The following MGAT4C variants were observed in gnomAD, a reference collection of about 807,000 sequenced individuals.
MGAT4C encodes the protein alpha-1,3-mannosyl-glycoprotein 4-beta-N-acetylglucosaminyltransferase C.
Under a neutral mutation model 40.1 loss-of-function variants are expected in MGAT4C, and 19 were observed. That is an observed-to-expected ratio of 0.47 (90% confidence interval 0.33 to 0.70). The LOEUF is 0.70. Among genes scored for constraint, MGAT4C ranks in the 30% least tolerant of loss-of-function variants. The pLI, the probability that MGAT4C is intolerant of heterozygous loss-of-function variation, is 0.02. For synonymous variants in MGAT4C, 181 were observed against 187.1 expected, an observed-to-expected ratio of 0.97 and a Z score of 0.27; for missense variants, 491 against 563.2, an observed-to-expected ratio of 0.87 and a Z score of 1.30.
At chr12:86,744,540 A>T (rs761882129) in intron 1 of MGAT4C, among the ~76,000 whole-genome samples, 1 of 151,428 alleles carries the variant, frequency 6.6e-6, no homozygotes, top group African/African-American at 2.4e-5. Context: ...CTCTCCGTGG[A>T]TTGGTTTAAT....
intron 2 of MGAT4C, among the ~76,000 whole-genome samples, chr12:86,588,168 A>C (rs1961151535): frequency 6.6e-6 from 1 of 151,748 alleles, no homozygotes; most frequent in African/African-American, 2.4e-5. Context: ...AGCATTGTTG[A>C]ATTTTGTCAA....
chr12:86,478,293 T>G (rs919691368), intron 2 of MGAT4C, among the ~76,000 whole-genome samples: 2 of 152,148 alleles, frequency 1.3e-5, no homozygotes, highest in African/African-American at 4.8e-5. Flanking sequence ...GTAAAAGATG[T>G]CATGTGAAGA....
chr12:86,062,825 A>C (rs1385078519), intron 1 of MGAT4C, among the ~76,000 whole-genome samples: 2 of 152,028 alleles, frequency 1.3e-5, no homozygotes, highest in Non-Finnish European at 2.9e-5. Flanking sequence ...GTTTGGAGAA[A>C]AAAGAATGAA....
intron 3 of MGAT4C, among the ~76,000 whole-genome samples, chr12:86,370,543 T>C (rs1382557451): frequency 6.6e-6 from 1 of 152,064 alleles, no homozygotes; most frequent in African/African-American, 2.4e-5. Context: ...TTGAATATCC[T>C]TTGGAAAACA....
intron 1 of MGAT4C, among the ~76,000 whole-genome samples, chr12:86,199,029 C>G (rs1182362860): frequency 6.6e-6 from 1 of 152,144 alleles, no homozygotes; most frequent in Non-Finnish European, 1.5e-5. Context: ...AATAGCGTTA[C>G]TCATAATGGT....
intron 2 of MGAT4C, among the ~76,000 whole-genome samples, chr12:86,524,785 T>C (rs1337114489): frequency 6.6e-6 from 1 of 152,158 alleles, no homozygotes; most frequent in African/African-American, 2.4e-5. Flanking sequence ...TTCTTTATTC[T>C]TTTTTGCCTG....
intron 2 of MGAT4C, among the ~76,000 whole-genome samples, chr12:86,536,244 A>G (rs1959065974): frequency 1.3e-5 from 2 of 152,110 alleles, no homozygotes; most frequent in Non-Finnish European, 1.5e-5. Context: ...TCTGGATACT[A>G]TAACAGTCAC....
chr12:86,438,513 T>C (rs1957174399), intron 2 of MGAT4C, among the ~76,000 whole-genome samples: 1 of 151,902 alleles, frequency 6.6e-6, no homozygotes, highest in African/African-American at 2.4e-5. Context: ...TTTTCGATAA[T>C]GAAACAGCCT....
intron 2 of MGAT4C, among the ~76,000 whole-genome samples, chr12:86,009,666 GC>G (rs1178751075): frequency 6.6e-6 from 1 of 151,970 alleles, no homozygotes; most frequent in Non-Finnish European, 1.5e-5. Flanking sequence ...TATTAATTCT[GC>G]TTTTCTTTTA....
At chr12:86,047,681 T>C (rs1162450413) in intron 2 of MGAT4C, among the ~76,000 whole-genome samples, 1 of 152,026 alleles carries the variant, frequency 6.6e-6, no homozygotes, top group Non-Finnish European at 1.5e-5. Context: ...TAAAAAGAAA[T>C]ATTCATTCCT....
At chr12:86,091,271 C>T (rs913415348) in intron 1 of MGAT4C, among the ~76,000 whole-genome samples, 1 of 151,948 alleles carries the variant, frequency 6.6e-6, no homozygotes, top group Non-Finnish European at 1.5e-5. Context: ...GTAAATGAGG[C>T]AGAAACACAA....
At chr12:86,836,827 T>C (rs1953047024) in intron 1 of MGAT4C, among the ~76,000 whole-genome samples, 1 of 152,144 alleles carries the variant, frequency 6.6e-6, no homozygotes, top group Non-Finnish European at 1.5e-5. Context: ...TCATTATCCA[T>C]TGGTATCATC....
intron 1 of MGAT4C, among the ~76,000 whole-genome samples, chr12:86,107,388 A>C (rs891903695): frequency 1.2e-4 from 19 of 152,070 alleles, no homozygotes; most frequent in African/African-American, 4.3e-4. Context: ...TTTTTAAGGA[A>C]CAAGATGATA....
chr12:86,770,075 T>A (rs10858475), intron 1 of MGAT4C, among the ~76,000 whole-genome samples: 51,628 of 151,912 alleles, frequency 0.34, 10,312 homozygotes, highest in Admixed American at 0.47. Context: ...TTATAATCAA[T>A]AGATTAGTAT....
At chr12:86,335,250 T>C (rs566464730) in intron 3 of MGAT4C, among the ~76,000 whole-genome samples, 17 of 152,196 alleles carry the variant, frequency 1.1e-4, no homozygotes, top group Admixed American at 1.0e-3. Context: ...ACTTAGAACA[T>C]TTATTTCAGA....
At chr12:86,178,412 G>A (rs1318514361) in intron 1 of MGAT4C, among the ~76,000 whole-genome samples, 3 of 152,210 alleles carry the variant, frequency 2.0e-5, no homozygotes, top group Non-Finnish European at 4.4e-5. Flanking sequence ...GGGCATGGAT[G>A]TTCACATTTA....
At chr12:86,733,738 G>A (rs949417738) in intron 1 of MGAT4C, among the ~76,000 whole-genome samples, 1 of 151,982 alleles carries the variant, frequency 6.6e-6, no homozygotes, top group Admixed American at 6.6e-5. Context: ...AAGGAAGAAG[G>A]GGGGGAGACA....
chr12:85,991,429 C>T (rs1885927693), intron 2 of MGAT4C, among the ~76,000 whole-genome samples: 1 of 152,140 alleles, frequency 6.6e-6, no homozygotes, highest in Non-Finnish European at 1.5e-5. Flanking sequence ...TTCAGGCCTT[C>T]ACCAGCCTGA....
chr12:86,466,038 G>A lies in MGAT4C; in HGVS notation c.-228-30773C>T, dbSNP rs905046685. Among the ~76,000 whole-genome samples, 6 of 151,944 alleles carry A rather than the reference G, an allele frequency of 3.9e-5. No individual in the cohort carries two copies. In the East Asian group the frequency reaches 9.7e-4, roughly 25 times the overall value. On this transcript the variant is annotated intron_variant, in intron 2 of 7. Coordinates refer to the MGAT4C transcript ENST00000548651. ...AGCCTGTCCAGCATGATGAAATCCCGTCTCTACTAAAAATATAAAAATCAG... is the reference window on the plus strand; with the variant it reads ...AGCCTGTCCAGCATGATGAAATCCCATCTCTACTAAAAATATAAAAATCAG...
Sources: allele counts gnomAD v4.1 joint callset (sites outside exome capture counted in the v4.1 genomes callset), GRCh38; gene constraint gnomAD v4.1.1; transcripts MANE v1.5; gene names NCBI Gene and HGNC (gene_info 2026-07-23, HGNC 2026-07-21).